KIAA0930: variants seen among roughly 807,000 people sequenced by gnomAD.
The protein encoded by KIAA0930 is KIAA0930.
KIAA0930 carries 24 observed loss-of-function variants against 43.9 expected under a neutral mutation model. The ratio of observed to expected loss-of-function variants is 0.55; its 90% confidence interval spans 0.40 to 0.77. The LOEUF (loss-of-function observed/expected upper bound fraction) is 0.77. Ranked by LOEUF, KIAA0930 falls within the 30% of genes least tolerant of loss-of-function variation. The pLI is 0.00. For missense variants in KIAA0930, 461 were observed against 574.2 expected (o/e 0.80, Z 2.02); for synonymous variants, 259 against 216.4 (o/e 1.20, Z -1.73).
chr22:45,214,969 G>C (rs1316220310), intron 1 of KIAA0930, among the ~76,000 whole-genome samples: 1 of 151,910 alleles, frequency 6.6e-6, no homozygotes, highest in Non-Finnish European at 1.5e-5. Context: ...TGTAATTCCA[G>C]CACTTTAGGA....
chr22:45,238,013 C>A (rs953239764), intron 1 of KIAA0930, among the ~76,000 whole-genome samples: 1 of 152,008 alleles, frequency 6.6e-6, no homozygotes. Context: ...CTCCGCCTCC[C>A]GGGTTCACAC....
chr22:45,220,081 T>G (rs1408156363), intron 1 of KIAA0930, among the ~76,000 whole-genome samples: 2 of 152,090 alleles, frequency 1.3e-5, no homozygotes, highest in Non-Finnish European at 2.9e-5. Context: ...GACAAAAATC[T>G]TAAAAATAGT....
At chr22:45,209,937 G>C (rs528231271) in intron 2 of KIAA0930, among the ~76,000 whole-genome samples, 1 of 152,084 alleles carries the variant, frequency 6.6e-6, no homozygotes, top group Non-Finnish European at 1.5e-5. Context: ...CCAGGGCTGC[G>C]CTTTCTCAGT....
intron 2 of KIAA0930, among the ~76,000 whole-genome samples, chr22:45,208,902 G>A (rs1384390479): frequency 2.0e-5 from 3 of 152,196 alleles, no homozygotes; most frequent in South Asian, 4.1e-4. Context: ...TCACGTGACC[G>A]TGAGACACAG....
intron 9 of KIAA0930, 96 bp downstream of exon 9, chr22:45,197,694 G>A: frequency 7.5e-7 from 1 of 1,334,914 alleles, no homozygotes; most frequent in Non-Finnish European, 1.1e-6. Context: ...ACAGGACAGG[G>A]CGGGATGACT....
At chr22:45,238,583 G>C (rs552994503) in intron 1 of KIAA0930, among the ~76,000 whole-genome samples, 3 of 152,210 alleles carry the variant, frequency 2.0e-5, no homozygotes, top group Non-Finnish European at 4.4e-5. Context: ...GGAAAACTTA[G>C]AGATGCTTGT....
chr22:45,198,698 C>G (rs150168528), intron 8 of KIAA0930, among the ~76,000 whole-genome samples: 1 of 152,234 alleles, frequency 6.6e-6, no homozygotes, highest in Middle Eastern at 3.4e-3. Flanking sequence ...TGCCCAGGCT[C>G]GAGTGCAGTG....
chr22:45,231,947 CGCCACTGCA>C (rs2083856515), intron 1 of KIAA0930, among the ~76,000 whole-genome samples: 1 of 152,168 alleles, frequency 6.6e-6, no homozygotes, highest in East Asian at 1.9e-4. Flanking sequence ...GCCGAGATCG[CGCCACTGCA>C]CTACAGCCTG....
chr22:45,219,939 C>T (rs1467717163), intron 1 of KIAA0930, among the ~76,000 whole-genome samples: 1 of 152,102 alleles, frequency 6.6e-6, no homozygotes. Flanking sequence ...AGGAAACAGA[C>T]AGCTAGCTTC....
At position 45,194,743 on chromosome 22, in the gene KIAA0930, A is replaced by G. The variant is rs1387498691; in HGVS notation, c.*2433T>C. 6.6e-6 allele frequency: 1 copy of G among 152,244 alleles called. No homozygotes were observed. The highest frequency in any genetic ancestry group is 1.5e-5 in the Non-Finnish European group (1 of 68,054). The allele number at this position is 152,244 out of a possible 1,614,324, so 9.4% of individuals were successfully genotyped here. A position where few individuals can be genotyped will look rare whatever the true frequency, so the allele number is the denominator to read the frequency against. On this transcript the variant is annotated 3_prime_UTR_variant, in exon 10 of 10. Coordinates refer to ENST00000336156, the MANE Select transcript of KIAA0930 (RefSeq NM_001009880.2). ...AGCAAGTTTTAAATCCGGCATCGCAAGTACCCTTTGGAGAGGGATTTAGGG... is the reference window on the plus strand; with the variant it reads ...AGCAAGTTTTAAATCCGGCATCGCAGGTACCCTTTGGAGAGGGATTTAGGG...
At chr22:45,214,771 T>G (rs905375206) in intron 1 of KIAA0930, among the ~76,000 whole-genome samples, 1 of 151,970 alleles carries the variant, frequency 6.6e-6, no homozygotes, top group Non-Finnish European at 1.5e-5. Context: ...TAGCTGGGCA[T>G]GATGGCATGT....
intron 1 of KIAA0930, among the ~76,000 whole-genome samples, chr22:45,219,592 T>TG (rs1569080291): frequency 4.4e-5 from 6 of 136,502 alleles, no homozygotes; most frequent in Non-Finnish European, 7.7e-5. Context: ...GTTTTTTTTT[T>TG]TTTTTTTTTT....
intron 7 of KIAA0930, 81 bp downstream of exon 7, chr22:45,202,909 A>G: frequency 8.2e-7 from 1 of 1,226,424 alleles, no homozygotes; most frequent in Non-Finnish European, 1.1e-6. Flanking sequence ...CTATGTCCCC[A>G]GGGGGCCGTG....
intron 1 of KIAA0930, among the ~76,000 whole-genome samples, chr22:45,225,784 G>A (rs896982092): frequency 5.1e-4 from 78 of 152,194 alleles, no homozygotes; most frequent in African/African-American, 1.9e-3. Context: ...AGTGCTGCCC[G>A]TGCCCACGTG....
At chr22:45,236,966 T>G (rs1383372674) in intron 1 of KIAA0930, among the ~76,000 whole-genome samples, 1 of 152,156 alleles carries the variant, frequency 6.6e-6, no homozygotes, top group African/African-American at 2.4e-5. Context: ...TCACGGCACC[T>G]CTCAGGACTC....
intron 2 of KIAA0930, chr22:45,211,485 G>C: frequency 2.5e-6 from 1 of 402,696 alleles, no homozygotes; most frequent in Non-Finnish European, 4.4e-6. Flanking sequence ...ACTTCACAAG[G>C]AGGCTAAGAA....
At position 45,196,870 on chromosome 22, in the gene KIAA0930, G is replaced by T. The variant is rs760537185; in HGVS notation, c.*306C>A. The T allele has an allele frequency of 5.3e-5, 20 of 376,034 alleles. No homozygotes were observed. Among genetic ancestry groups the T allele is most frequent in the Non-Finnish European group, 8.1e-5 (17 of 209,374 alleles). The allele number at this position is 376,034 out of a possible 1,614,324, so 23.3% of individuals were successfully genotyped here. The stretch of plus-strand genomic sequence containing the variant: ...GCTCTGGGCATCAGCTGCTCCTTCC[G>T]CTCTCTCTCATGGCCGCTCGGCATC... On this transcript the variant is annotated 3_prime_UTR_variant, in exon 10 of 10. Transcript: ENST00000336156. The surrounding 1 kb of genome is among the most constrained non-coding windows in gnomAD (Gnocchi z 4.1).
chr22:45,204,113 C>T (rs1769496438), intron 5 of KIAA0930, 128 bp from the exon 6 acceptor site: 19 of 1,235,704 alleles, frequency 1.5e-5, no homozygotes, highest in Non-Finnish European at 2.2e-5. Flanking sequence ...GGCTGTCACA[C>T]ACTCCTGTGG....
intron 4 of KIAA0930, 143 bp downstream of exon 4, chr22:45,205,487 G>C (rs1289241608): frequency 3.4e-6 from 3 of 889,370 alleles, no homozygotes; most frequent in Non-Finnish European, 5.4e-6. Flanking sequence ...AATGGGATAC[G>C]GGATCCCAGG....
Sources: allele counts gnomAD v4.1 joint callset (sites outside exome capture counted in the v4.1 genomes callset), GRCh38; gene constraint gnomAD v4.1.1; non-coding constraint Gnocchi (gnomAD v3.1); transcripts MANE v1.5; gene names NCBI Gene and HGNC (gene_info 2026-07-23, HGNC 2026-07-21).